Variants in CDH23 observed in about 807,000 individuals in gnomAD.
CDH23 encodes the protein cadherin-23.
Under a neutral mutation model 317.1 loss-of-function variants are expected in CDH23, and 189 were observed. The ratio of observed to expected loss-of-function variants is 0.60; its 90% CI spans 0.53 to 0.67. CDH23 has a LOEUF of 0.67. CDH23 is among the 30% of genes least tolerant of loss of function. CDH23 has a pLI of 0.00. For synonymous variants in CDH23, 1,839 were observed against 1,876.8 expected (o/e 0.98, Z 0.52); for missense variants, 4,401 against 4,592.4 (o/e 0.96, Z 1.20).
chr10:71,622,831 G>C (rs1468175381), intron 11 of CDH23: 8 of 531,872 alleles, frequency 1.5e-5, no homozygotes, highest in Non-Finnish European at 1.9e-5. Context: ...TCGGGGTAGG[G>C]ATTGGGACAC....
At chr10:71,477,271 C>T (rs1054645413) in intron 3 of CDH23, among the ~76,000 whole-genome samples, 4 of 152,192 alleles carry the variant, frequency 2.6e-5, no homozygotes, top group Admixed American at 2.0e-4. Flanking sequence ...CAGGTTCAAG[C>T]GATTCTCCTG....
At chr10:71,593,410 T>G (rs2132452530) in intron 9 of CDH23, among the ~76,000 whole-genome samples, 1 of 152,236 alleles carries the variant, frequency 6.6e-6, no homozygotes, top group South Asian at 2.1e-4. Context: ...CTTCGTGACC[T>G]TGTAGTAGGA....
At position 71,677,553 on chromosome 10, in the gene CDH23, G is replaced by A. The variant is rs779335536; in HGVS notation, c.1612G>A (p.Gly538Arg). 3.7e-6 allele frequency: 6 copies of A among 1,611,660 alleles called. No homozygotes were observed. Among genetic ancestry groups the A allele is most frequent in the South Asian group, 1.1e-5 (1 of 90,230 alleles). The change falls in exon 16 of 70, where the codon GGG becomes AGG. Residue 538 changes from glycine (G) to arginine (R), a missense_variant. Transcript: ENST00000224721. Reference sequence around the variant, plus strand: ...CACCCTGACGATCATTGCCCGGGACGGGGGCGGCGAGGAGACCACAGGCCG... The same window carrying A: ...CACCCTGACGATCATTGCCCGGGACAGGGGCGGCGAGGAGACCACAGGCCG... ...RFTLTIIARDGGGEETTGRVR... is the reference protein window; with the variant it reads ...RFTLTIIARDRGGEETTGRVR...
intron 1 of CDH23, among the ~76,000 whole-genome samples, chr10:71,423,939 T>C (rs761128029): frequency 6.6e-6 from 1 of 152,278 alleles, no homozygotes; most frequent in African/African-American, 2.4e-5. Flanking sequence ...TTGTGATGAG[T>C]GCAACAAGGG....
chr10:71,498,139 A>T (rs1853077029), intron 3 of CDH23, among the ~76,000 whole-genome samples: 2 of 152,244 alleles, frequency 1.3e-5, no homozygotes, highest in African/African-American at 4.8e-5. Flanking sequence ...GGAGAAGCTC[A>T]GAGACAGCAG....
chr10:71,722,813 C>T (rs566504314), intron 28 of CDH23, among the ~76,000 whole-genome samples: 12 of 152,250 alleles, frequency 7.9e-5, no homozygotes, highest in Non-Finnish European at 1.5e-4. Flanking sequence ...GGCCAGCACA[C>T]GCTTGGTGTT....
chr10:71,698,967 T>C (rs1865490008), intron 22 of CDH23, among the ~76,000 whole-genome samples: 1 of 152,146 alleles, frequency 6.6e-6, no homozygotes, highest in African/African-American at 2.4e-5. Flanking sequence ...ATCTAAAAAA[T>C]AGGGCTAGTA....
chr10:71,781,932 G>A (rs1244785684), intron 41 of CDH23, among the ~76,000 whole-genome samples: 2 of 152,152 alleles, frequency 1.3e-5, no homozygotes, highest in Non-Finnish European at 2.9e-5. Flanking sequence ...CTCCCACCTC[G>A]GGGTTCATGT....
chr10:71,473,889 C>T (rs977656569), intron 3 of CDH23, among the ~76,000 whole-genome samples: 2 of 152,234 alleles, frequency 1.3e-5, no homozygotes, highest in African/African-American at 4.8e-5. Context: ...CCCCCTGGCT[C>T]CTCCACTTAC....
At chr10:71,571,437 T>TA (rs1311648947) in intron 8 of CDH23, among the ~76,000 whole-genome samples, 2 of 152,240 alleles carry the variant, frequency 1.3e-5, no homozygotes, top group Non-Finnish European at 2.9e-5. Context: ...TTGGATTTCT[T>TA]AAGTCCAGGT....
intron 11 of CDH23, among the ~76,000 whole-genome samples, chr10:71,621,366 C>T (rs941288810): frequency 6.6e-6 from 1 of 152,198 alleles, no homozygotes; most frequent in African/African-American, 2.4e-5. Context: ...CTCACATGCC[C>T]ACGATTAGTG....
chr10:71,542,520 G>T (rs1353907092), intron 6 of CDH23, among the ~76,000 whole-genome samples: 1 of 152,178 alleles, frequency 6.6e-6, no homozygotes, highest in Non-Finnish European at 1.5e-5. Context: ...CTCCCTGCCT[G>T]CCCAACAGAT....
chr10:71,650,172 A>T (rs546991439), intron 14 of CDH23, among the ~76,000 whole-genome samples: 2 of 152,320 alleles, frequency 1.3e-5, no homozygotes, highest in South Asian at 4.1e-4. Context: ...CTGTGGCACC[A>T]CCAGGTGAAT....
intron 9 of CDH23, among the ~76,000 whole-genome samples, chr10:71,603,613 A>G (rs560556429): frequency 1.1e-3 from 161 of 152,268 alleles, no homozygotes; most frequent in African/African-American, 3.7e-3. Flanking sequence ...AGCAGGCAGC[A>G]GGGGGGGCCT....
intron 44 of CDH23, among the ~76,000 whole-genome samples, chr10:71,786,054 A>G (rs767070856): frequency 3.9e-5 from 6 of 152,220 alleles, no homozygotes; most frequent in Non-Finnish European, 8.8e-5. Context: ...GTGAACATCA[A>G]CTATCATTGT....
At chr10:71,600,808 G>A (rs914960387) in intron 9 of CDH23, among the ~76,000 whole-genome samples, 11 of 152,148 alleles carry the variant, frequency 7.2e-5, no homozygotes, top group Admixed American at 2.0e-4. Flanking sequence ...GAGCCACCAT[G>A]CCCGGCAGAC....
intron 38 of CDH23, among the ~76,000 whole-genome samples, chr10:71,769,572 A>C (rs77919471): frequency 6.6e-6 from 1 of 151,746 alleles, no homozygotes; most frequent in Admixed American, 6.6e-5. Context: ...GGGAAACACC[A>C]TCATGGAATT....
chr10:71,727,003 G>A (rs966269117), intron 30 of CDH23, among the ~76,000 whole-genome samples: 2 of 152,166 alleles, frequency 1.3e-5, no homozygotes, highest in Non-Finnish European at 2.9e-5. Context: ...GCAGGGGTGG[G>A]GCTCCCAGAG....
At chr10:71,663,531 C>T (rs1007413600) in intron 14 of CDH23, among the ~76,000 whole-genome samples, 10 of 152,264 alleles carry the variant, frequency 6.6e-5, no homozygotes, top group Non-Finnish European at 1.5e-4. Context: ...CTACACCATC[C>T]TTGGACTTTT....
Sources: gnomAD v4.1 joint callset for allele counts (sites outside exome capture counted in the v4.1 genomes callset) on GRCh38, gnomAD v4.1.1 for gene constraint, MANE v1.5 for transcripts, NCBI Gene and HGNC (gene_info 2026-07-23, HGNC 2026-07-21) for gene names.